STX8: variants seen among roughly 807,000 people sequenced by gnomAD.
STX8 encodes syntaxin 8.
STX8 carries 23 observed loss-of-function variants against 37.5 expected under a neutral mutation model. The ratio of observed to expected loss-of-function variants is 0.61; its 90% CI spans 0.44 to 0.87. The LOEUF (loss-of-function observed/expected upper bound fraction) is 0.87. Ranked by LOEUF, STX8 falls within the 40% of genes least tolerant of loss-of-function variation. STX8 has a pLI of 0.00. For synonymous variants in STX8, 115 were observed against 99.1 expected (o/e 1.16, Z -0.95); for missense variants, 313 against 284.7 (o/e 1.10, Z -0.71).
rs368382223 is a variant in STX8 at position 9,570,231 on chromosome 17, G to A, written c.18-1761C>T. 4.6e-5 allele frequency among the ~76,000 whole-genome samples: 7 copies of A among 151,704 alleles called. No homozygotes were observed. In the East Asian group the frequency reaches 9.7e-4, roughly 21 times the overall value. The stretch of plus-strand genomic sequence containing the variant: ...TTTTTTTTTAAATGAAGGAAAATGC[G>A]CCCATCAATTCCCTTAGGAATCTTA... On this transcript the variant is annotated intron_variant, in intron 1 of 7. Coordinates refer to ENST00000306357, the MANE Select transcript of STX8 (RefSeq NM_004853.3).
At chr17:9,444,498 C>T (rs1463064064) in intron 6 of STX8, among the ~76,000 whole-genome samples, 1 of 152,072 alleles carries the variant, frequency 6.6e-6, no homozygotes, top group African/African-American at 2.4e-5. Context: ...TAATAATAAA[C>T]CTCAGTTAAA....
rs190302325 is a variant in STX8 at position 9,445,308 on chromosome 17, C to T, written c.541+46521G>A. 1.5e-3 allele frequency among the ~76,000 whole-genome samples: 227 copies of T among 151,648 alleles called. 2 individuals carry two copies. Among genetic ancestry groups the T allele is most frequent in the African/African-American group, 4.7e-3 (195 of 41,308 alleles). On this transcript the variant is annotated intron_variant, in intron 6 of 7. Coordinates refer to ENST00000306357, the MANE Select transcript of STX8 (RefSeq NM_004853.3). ...CAAGGAACATTTCTTTTTTCCTTTT[C>T]CCACTGCGAGTGAGAAAGAAGAGAC...
intron 6 of STX8, 35 bp downstream of exon 6, chr17:9,491,794 A>G (rs763456268): frequency 6.4e-7 from 1 of 1,558,362 alleles, no homozygotes; most frequent in South Asian, 1.1e-5. Context: ...ATTTATGTCA[A>G]CGGCAAATCT....
intron 7 of STX8, among the ~76,000 whole-genome samples, chr17:9,350,286 C>T (rs1910663202): frequency 1.3e-5 from 2 of 152,230 alleles, no homozygotes; most frequent in African/African-American, 4.8e-5. Flanking sequence ...CTCAGAACAG[C>T]ATGCAATTTA....
intron 7 of STX8, among the ~76,000 whole-genome samples, chr17:9,373,977 C>T (rs1014398474): frequency 6.7e-5 from 10 of 149,816 alleles, no homozygotes; most frequent in Non-Finnish European, 1.2e-4. Flanking sequence ...GCCTCGGCCA[C>T]GAAGTGAGAC....
At position 9,288,629 on chromosome 17, in the gene STX8, T is replaced by G. The variant is rs918528465; in HGVS notation, c.644-37984A>C. On this transcript the variant is annotated intron_variant, in intron 7 of 7. Coordinates refer to ENST00000306357, the MANE Select transcript of STX8 (RefSeq NM_004853.3). ...GTGAGCCGAGATCGCGCCACTGCAC[T>G]CCAGCCTGGGTGACAGAGTGAGACT... Among the ~76,000 whole-genome samples, 3 of 151,802 alleles carry G rather than the reference T, an allele frequency of 2.0e-5. No individual in the cohort carries two copies. The East Asian group carries it at 5.8e-4, about 29-fold the overall frequency.
intron 7 of STX8, among the ~76,000 whole-genome samples, chr17:9,334,352 C>A (rs1360046379): frequency 6.6e-6 from 1 of 152,106 alleles, no homozygotes; most frequent in Non-Finnish European, 1.5e-5. Flanking sequence ...GTAGTCTAGT[C>A]CCCAGGCAAG....
At chr17:9,398,089 G>A (rs989452291) in intron 6 of STX8, among the ~76,000 whole-genome samples, 4 of 151,970 alleles carry the variant, frequency 2.6e-5, no homozygotes, top group African/African-American at 9.7e-5. Flanking sequence ...ATACTCCACT[G>A]TCAAGGAAGA....
rs527373406 is a variant in STX8, at chr17:9,326,199, T to C, written c.643+52353A>G. ...AGGCTAGAGTGCAGTGGCACGATCA[T>C]GGCTCATTGCAGCCTTGACCTCCTG... is the stretch of plus-strand genomic sequence containing the variant. On this transcript the variant is annotated intron_variant, in intron 7 of 7. Transcript: ENST00000306357. Among the ~76,000 whole-genome samples the C allele has an allele frequency of 7.9e-5, 12 of 152,156 alleles. No homozygotes were observed. In the East Asian group the frequency reaches 2.3e-3, roughly 30 times the overall value.
intron 6 of STX8, among the ~76,000 whole-genome samples, chr17:9,466,483 T>G (rs993238336): frequency 6.6e-6 from 1 of 152,168 alleles, no homozygotes; most frequent in Non-Finnish European, 1.5e-5. Context: ...CATTTTTGGC[T>G]CTTGAGAAGG....
intron 3 of STX8, among the ~76,000 whole-genome samples, chr17:9,548,092 C>T (rs916343382): frequency 3.5e-4 from 52 of 150,030 alleles, no homozygotes; most frequent in African/African-American, 1.2e-3. Flanking sequence ...TGACCTTATA[C>T]ATTCTTTCTT....
chr17:9,425,239 T>G (rs914550048), intron 6 of STX8, among the ~76,000 whole-genome samples: 4 of 152,342 alleles, frequency 2.6e-5, no homozygotes, highest in Admixed American at 2.0e-4. Context: ...AGAGAAAGAA[T>G]GCCTTCTAGG....
intron 7 of STX8, among the ~76,000 whole-genome samples, chr17:9,254,294 G>T (rs1001197950): frequency 6.6e-6 from 1 of 152,082 alleles, no homozygotes; most frequent in African/African-American, 2.4e-5. Flanking sequence ...CCCCACTCGT[G>T]GTCTAGTTAA....
intron 7 of STX8, among the ~76,000 whole-genome samples, chr17:9,362,405 C>T (rs1465459024): frequency 6.6e-6 from 1 of 152,168 alleles, no homozygotes; most frequent in African/African-American, 2.4e-5. Flanking sequence ...GAATCTCTAT[C>T]TACCAATTAC....
At chr17:9,440,149 T>C (rs907571506) in intron 6 of STX8, among the ~76,000 whole-genome samples, 1 of 152,138 alleles carries the variant, frequency 6.6e-6, no homozygotes, top group African/African-American at 2.4e-5. Flanking sequence ...TGACAATTAT[T>C]TCTATAATGG....
At chr17:9,439,040 T>C (rs1171798865) in intron 6 of STX8, among the ~76,000 whole-genome samples, 1 of 152,194 alleles carries the variant, frequency 6.6e-6, no homozygotes, top group Non-Finnish European at 1.5e-5. Flanking sequence ...GGATTTCATA[T>C]AATTTTCATG....
At chr17:9,569,718 C>A (rs60389600) in intron 1 of STX8, 1 of 152,014 alleles carries the variant, frequency 6.6e-6, no homozygotes, top group African/African-American at 2.4e-5. Flanking sequence ...GAGGCCGAGG[C>A]GGGCAGATCA....
In STX8 at chr17:9,453,053, G is replaced by A. The variant is rs575701974; in HGVS notation, c.541+38776C>T. ...ACTCCTGACCTCAACTGATCTGCCC[G>A]CCTCGGCCTCCCAAAGTGCTGGGAT... On this transcript the variant is annotated intron_variant, in intron 6 of 7. Coordinates refer to ENST00000306357, the MANE Select transcript of STX8 (RefSeq NM_004853.3). 7.2e-5 allele frequency among the ~76,000 whole-genome samples: 11 copies of A among 152,222 alleles called. No homozygotes were observed. In the South Asian group the frequency reaches 1.2e-3, roughly 17 times the overall value.
At chr17:9,381,976 A>AAAACAAAC (rs34904417) in intron 6 of STX8, among the ~76,000 whole-genome samples, 8 of 151,830 alleles carry the variant, frequency 5.3e-5, no homozygotes, top group African/African-American at 1.9e-4. Context: ...CTTGGGGGAA[A>AAAACAAAC]AAACAAACAA....
Sources: gnomAD v4.1 joint callset for allele counts (sites outside exome capture counted in the v4.1 genomes callset) on GRCh38, gnomAD v4.1.1 for gene constraint, MANE v1.5 for transcripts, NCBI Gene and HGNC (gene_info 2026-07-23, HGNC 2026-07-21) for gene names.